GPC6: variants seen among roughly 807,000 people sequenced by gnomAD.
The protein encoded by GPC6 is glypican 6.
GPC6 carries 14 observed loss-of-function variants against 55.2 expected under a neutral mutation model. The observed-to-expected ratio is 0.25, with a 90% CI of 0.17 to 0.40. The LOEUF (loss-of-function observed/expected upper bound fraction) is 0.40, where lower values mean the gene tolerates loss of function less well. GPC6 is among the 10% of genes least tolerant of loss of function. The probability of loss-of-function intolerance (pLI) is 1.00; values close to 1 mark genes in which losing one functional copy is unlikely to be tolerated. For missense variants in GPC6, 641 were observed against 708.5 expected, an observed-to-expected ratio of 0.90 and a Z score of 1.08; for synonymous variants, 278 against 259.6, an observed-to-expected ratio of 1.07 and a Z score of -0.68.
At chr13:93,391,131 CT>C in intron 1 of GPC6, among the ~76,000 whole-genome samples, 1 of 151,968 alleles carries the variant, frequency 6.6e-6, no homozygotes, top group African/African-American at 2.4e-5. Context: ...TGGAGCAGTG[CT>C]AAAATACCAG....
At chr13:93,529,260 A>T (rs1881769296) in intron 1 of GPC6, among the ~76,000 whole-genome samples, 1 of 152,162 alleles carries the variant, frequency 6.6e-6, no homozygotes, top group Non-Finnish European at 1.5e-5. Context: ...GAAACAGGTG[A>T]AACCTCCACT....
At chr13:93,938,973 G>A (rs9524281) in intron 3 of GPC6, among the ~76,000 whole-genome samples, 4 of 151,990 alleles carry the variant, frequency 2.6e-5, no homozygotes, top group East Asian at 1.9e-4. Flanking sequence ...GTGGTGACAC[G>A]TGCCTGTAGT....
chr13:93,810,605 A>C (rs1414242148), intron 2 of GPC6, among the ~76,000 whole-genome samples: 1 of 152,212 alleles, frequency 6.6e-6, no homozygotes, highest in Non-Finnish European at 1.5e-5. Flanking sequence ...GCCCGTAATT[A>C]AATGAATGAC....
At chr13:93,481,651 T>A (rs74420655) in intron 1 of GPC6, among the ~76,000 whole-genome samples, 1 of 149,524 alleles carries the variant, frequency 6.7e-6, no homozygotes, top group African/African-American at 2.5e-5. Flanking sequence ...TTTTTTTTTG[T>A]ACGTAGATAC....
intron 3 of GPC6, among the ~76,000 whole-genome samples, chr13:93,904,483 A>C (rs986753862): frequency 3.3e-5 from 5 of 152,226 alleles, no homozygotes; most frequent in African/African-American, 1.2e-4. Flanking sequence ...AGAAGTGGAA[A>C]AACTTAACTT....
chr13:93,699,440 G>T (rs566218500), intron 2 of GPC6, among the ~76,000 whole-genome samples: 1 of 152,086 alleles, frequency 6.6e-6, no homozygotes, highest in Non-Finnish European at 1.5e-5. Flanking sequence ...GAACAGGCAC[G>T]CTTCTTCATC....
intron 2 of GPC6, among the ~76,000 whole-genome samples, chr13:93,768,928 A>AT (rs1352667632): frequency 6.6e-6 from 1 of 151,986 alleles, no homozygotes; most frequent in African/African-American, 2.4e-5. Flanking sequence ...TTATGGGATT[A>AT]TTTTTTTCCT....
At chr13:93,879,209 A>G (rs540134638) in intron 3 of GPC6, among the ~76,000 whole-genome samples, 1 of 152,126 alleles carries the variant, frequency 6.6e-6, no homozygotes, top group East Asian at 1.9e-4. Flanking sequence ...ACTTCTCTGT[A>G]TTGGTGATTT....
chr13:93,720,173 G>A (rs1319207377), intron 2 of GPC6, among the ~76,000 whole-genome samples: 1 of 152,006 alleles, frequency 6.6e-6, no homozygotes, highest in Non-Finnish European at 1.5e-5. Flanking sequence ...GCTCCTTTTT[G>A]TACTTTTGAT....
chr13:93,257,724 G>A (rs1214531921), intron 1 of GPC6, among the ~76,000 whole-genome samples: 4 of 152,114 alleles, frequency 2.6e-5, no homozygotes, highest in Non-Finnish European at 5.9e-5. Flanking sequence ...ACTTGTCCAA[G>A]GACACAGGTG....
At chr13:93,354,357 T>TTTTTTGTTG (rs1191966210) in intron 1 of GPC6, among the ~76,000 whole-genome samples, 7 of 145,104 alleles carry the variant, frequency 4.8e-5, no homozygotes, top group African/African-American at 1.8e-4. Context: ...AGATTTTTTT[T>TTTTTTGTTG]TTTTTTTTTT....
At chr13:93,363,293 C>T (rs958504359) in intron 1 of GPC6, among the ~76,000 whole-genome samples, 1 of 150,178 alleles carries the variant, frequency 6.7e-6, no homozygotes, top group African/African-American at 2.5e-5. Context: ...CCTCCCCCCA[C>T]CCCACAACAG....
At chr13:94,012,133 A>G (rs1010785317) in intron 3 of GPC6, among the ~76,000 whole-genome samples, 5 of 152,164 alleles carry the variant, frequency 3.3e-5, no homozygotes, top group African/African-American at 1.2e-4. Flanking sequence ...CAGATTCTTC[A>G]TGCCCATGGA....
At chr13:93,473,613 T>A (rs1879204327) in intron 1 of GPC6, among the ~76,000 whole-genome samples, 1 of 152,164 alleles carries the variant, frequency 6.6e-6, no homozygotes, top group Admixed American at 6.5e-5. Flanking sequence ...GCAGCACCAG[T>A]TGTGCCTCCT....
intron 1 of GPC6, among the ~76,000 whole-genome samples, chr13:93,403,416 T>C (rs1205127805): frequency 1.3e-5 from 2 of 152,320 alleles, no homozygotes; most frequent in Middle Eastern, 3.4e-3. Flanking sequence ...CTTCACTTCC[T>C]TACTCCATAA....
intron 1 of GPC6, among the ~76,000 whole-genome samples, chr13:93,234,129 C>G (rs186475957): frequency 1.1e-3 from 171 of 152,286 alleles, no homozygotes; most frequent in African/African-American, 3.9e-3. Context: ...CTTAGCAGCT[C>G]TCTGGCCCTG....
intron 2 of GPC6, among the ~76,000 whole-genome samples, chr13:93,733,097 A>G (rs1394607046): frequency 1.3e-5 from 2 of 152,062 alleles, no homozygotes; most frequent in Non-Finnish European, 2.9e-5. Flanking sequence ...TATTACTTCC[A>G]GTATGCCACT....
chr13:94,275,253 A>G (rs907335923), intron 4 of GPC6, among the ~76,000 whole-genome samples: 3 of 152,208 alleles, frequency 2.0e-5, no homozygotes, highest in African/African-American at 2.4e-5. Context: ...ATATACATAT[A>G]ATAAGTCAGC....
Position 93,698,165 on chromosome 13 carries a change from T to C in GPC6, c.320-131989T>C, listed in dbSNP as rs557399174. On this transcript the variant is annotated intron_variant, in intron 2 of 8. Transcript: ENST00000377047. ...CTTCGTTGGATTCTTTCTTCTTTTA[T>C]TCAGCTTGAGTGCTTGTGAGGTATG... Among the ~76,000 whole-genome samples the C allele has an allele frequency of 1.6e-4, 25 of 152,298 alleles. 1 individual carries two copies. The South Asian group carries it at 4.8e-3, about 29-fold the overall frequency.
Sources: allele counts gnomAD v4.1 joint callset (sites outside exome capture counted in the v4.1 genomes callset), GRCh38; gene constraint gnomAD v4.1.1; transcripts MANE v1.5; gene names NCBI Gene and HGNC (gene_info 2026-07-23, HGNC 2026-07-21).